EPHB1: variants seen among roughly 807,000 people sequenced by gnomAD.
EPHB1 encodes ephrin type-B receptor 1.
In EPHB1, 30 loss-of-function variants were observed where a neutral mutation model predicts 94.4. That is an observed-to-expected ratio of 0.32 (90% CI 0.24 to 0.43). The LOEUF (loss-of-function observed/expected upper bound fraction) is 0.43. Among genes scored for constraint, EPHB1 ranks in the 20% least tolerant of loss-of-function variants. The pLI is 1.00. For missense variants in EPHB1, 1,055 were observed against 1,308.3 expected (o/e 0.81, Z 2.99); for synonymous variants, 522 against 489.1 (o/e 1.07, Z -0.89).
chr3:135,191,185 C>G (rs185037890), intron 10 of EPHB1, among the ~76,000 whole-genome samples: 1 of 151,982 alleles, frequency 6.6e-6, no homozygotes, highest in Admixed American at 6.6e-5. Context: ...AACAGCCCCC[C>G]CAAAACACAT....
intron 2 of EPHB1, among the ~76,000 whole-genome samples, chr3:134,937,470 G>A (rs2039025849): frequency 6.6e-6 from 1 of 152,202 alleles, no homozygotes; most frequent in African/African-American, 2.4e-5. Context: ...CCCATGGCTG[G>A]CTCTCTTGTT....
intron 1 of EPHB1, among the ~76,000 whole-genome samples, chr3:134,860,070 T>C (rs191837764): frequency 6.6e-6 from 1 of 152,024 alleles, no homozygotes; most frequent in African/African-American, 2.4e-5. Flanking sequence ...ACACTGAAGA[T>C]TGTATATTTT....
intron 13 of EPHB1, among the ~76,000 whole-genome samples, chr3:135,246,213 A>T (rs1329716047): frequency 6.6e-6 from 1 of 152,138 alleles, no homozygotes; most frequent in Non-Finnish European, 1.5e-5. Context: ...TTTGGACTCT[A>T]GCTCCTCCTG....
At chr3:135,046,971 A>G (rs1318483332) in intron 3 of EPHB1, among the ~76,000 whole-genome samples, 2 of 152,206 alleles carry the variant, frequency 1.3e-5, no homozygotes, top group Non-Finnish European at 2.9e-5. Flanking sequence ...CCTTGTTCAC[A>G]TTCTGTGGCC....
At chr3:134,986,880 A>C (rs1934620162) in intron 3 of EPHB1, among the ~76,000 whole-genome samples, 1 of 152,172 alleles carries the variant, frequency 6.6e-6, no homozygotes, top group Non-Finnish European at 1.5e-5. Context: ...TATTTATGAA[A>C]ATTATTGCAA....
intron 1 of EPHB1, among the ~76,000 whole-genome samples, chr3:134,920,507 A>T (rs2038662495): frequency 6.6e-6 from 1 of 152,174 alleles, no homozygotes; most frequent in Non-Finnish European, 1.5e-5. Flanking sequence ...TCAAATACAC[A>T]TAAGGCACTG....
chr3:134,806,145 C>T (rs1205683652), intron 1 of EPHB1, among the ~76,000 whole-genome samples: 1 of 152,230 alleles, frequency 6.6e-6, no homozygotes, highest in Non-Finnish European at 1.5e-5. Flanking sequence ...ATTTTATACT[C>T]TTCCTATCAA....
At chr3:135,019,704 A>AT (rs1935925841) in intron 3 of EPHB1, among the ~76,000 whole-genome samples, 1 of 152,224 alleles carries the variant, frequency 6.6e-6, no homozygotes, top group Non-Finnish European at 1.5e-5. Flanking sequence ...CTATCATTAA[A>AT]TTTATTGGAA....
At chr3:135,240,912 G>A (rs1478169906) in intron 12 of EPHB1, among the ~76,000 whole-genome samples, 2 of 152,054 alleles carry the variant, frequency 1.3e-5, no homozygotes, top group South Asian at 2.1e-4. Context: ...GGGAACCAGG[G>A]CACATGTGGC....
At chr3:134,839,270 G>A (rs1383421483) in intron 1 of EPHB1, among the ~76,000 whole-genome samples, 2 of 152,174 alleles carry the variant, frequency 1.3e-5, no homozygotes, top group East Asian at 1.9e-4. Context: ...ACTGTGCTCA[G>A]CAGACACATC....
intron 2 of EPHB1, among the ~76,000 whole-genome samples, chr3:134,940,355 G>A (rs577689271): frequency 1.2e-4 from 18 of 152,258 alleles, no homozygotes; most frequent in African/African-American, 4.3e-4. Context: ...TTCAGTCTTC[G>A]TATTACCCTG....
At chr3:134,818,947 G>T (rs907976291) in intron 1 of EPHB1, among the ~76,000 whole-genome samples, 1 of 152,180 alleles carries the variant, frequency 6.6e-6, no homozygotes, top group Non-Finnish European at 1.5e-5. Context: ...GGTGAGCAGA[G>T]AAGATGAACA....
chr3:134,795,543 C>A lies in EPHB1; in HGVS notation c.-89C>A. The A allele has an allele frequency of 1.5e-6, 2 of 1,294,450 alleles. No homozygotes were observed. Among genetic ancestry groups the A allele is most frequent in the Non-Finnish European group, 2.1e-6 (2 of 930,392 alleles). 80.2% of individuals were successfully genotyped at this position (1,294,450 alleles called of 1,614,324 possible). On this transcript the variant is annotated 5_prime_UTR_variant, in exon 1 of 16. Coordinates refer to ENST00000398015, the MANE Select transcript of EPHB1 (RefSeq NM_004441.5). ...CGCGAAAGGATACCGAGAAGCCACCCGCGGAGAGCGCAGCGGCGCCCTGGG... is the reference window on the plus strand; with the variant it reads ...CGCGAAAGGATACCGAGAAGCCACCAGCGGAGAGCGCAGCGGCGCCCTGGG...
chr3:135,087,043 A>G (rs920063071), intron 3 of EPHB1, among the ~76,000 whole-genome samples: 3 of 152,192 alleles, frequency 2.0e-5, no homozygotes, highest in Non-Finnish European at 4.4e-5. Context: ...ACTATTGCAA[A>G]AGCCTACAAA....
chr3:134,813,592 G>A (rs931370973), intron 1 of EPHB1, among the ~76,000 whole-genome samples: 4 of 152,186 alleles, frequency 2.6e-5, no homozygotes, highest in Admixed American at 1.3e-4. Context: ...GTGAGTGTCC[G>A]AGGCTGTTCA....
chr3:135,192,531 AG>A, intron 10 of EPHB1, 44 bp from the exon 11 acceptor site: 1 of 1,599,186 alleles, frequency 6.3e-7, no homozygotes, highest in Non-Finnish European at 8.5e-7. Flanking sequence ...TTGAGTCCAC[AG>A]ACTGAGAAGG....
chr3:135,094,597 C>A (rs187523885), intron 3 of EPHB1, among the ~76,000 whole-genome samples: 131 of 152,328 alleles, frequency 8.6e-4, no homozygotes, highest in African/African-American at 3.0e-3. Context: ...CTAAGAAAGG[C>A]AAGCACCTTC....
chr3:134,837,164 G>A (rs1309491364), intron 1 of EPHB1, among the ~76,000 whole-genome samples: 1 of 152,102 alleles, frequency 6.6e-6, no homozygotes, highest in Non-Finnish European at 1.5e-5. Context: ...TGGAGAATAC[G>A]AGCAACCAGT....
rs576751892 is a variant in EPHB1 at position 134,905,857 on chromosome 3, A to G, written c.59-19959A>G. 3.9e-5 allele frequency among the ~76,000 whole-genome samples: 6 copies of G among 152,272 alleles called. No individual in the cohort carries two copies. The East Asian group carries it at 1.2e-3, about 29-fold the overall frequency. ...AGTCCTTGGACTGTTTCGATTGAGC[A>G]TCTTGCTGTTGGCTTCCCTTCTGAA... On this transcript the variant is annotated intron_variant, in intron 1 of 15. Coordinates refer to ENST00000398015, the MANE Select transcript of EPHB1 (RefSeq NM_004441.5).
Sources: allele counts gnomAD v4.1 joint callset (sites outside exome capture counted in the v4.1 genomes callset), GRCh38; gene constraint gnomAD v4.1.1; transcripts MANE v1.5; gene names NCBI Gene and HGNC (gene_info 2026-07-23, HGNC 2026-07-21).